The following KATNIP variants were observed in gnomAD, a reference collection of about 807,000 sequenced individuals.
KATNIP encodes katanin-interacting protein.
A neutral mutation model predicts 174.0 loss-of-function variants in KATNIP; 126 were observed. The observed-to-expected ratio is 0.72, with a 90% CI of 0.63 to 0.84. The LOEUF (loss-of-function observed/expected upper bound fraction) is 0.84. KATNIP is among the 40% of genes least tolerant of loss of function. The pLI is 0.00. For synonymous variants in KATNIP, 810 were observed against 835.7 expected, an observed-to-expected ratio of 0.97 and a Z score of 0.53; for missense variants, 1,958 against 2,109.7, an observed-to-expected ratio of 0.93 and a Z score of 1.41.
chr16:27,656,152 G>A (rs192857533), intron 6 of KATNIP, among the ~76,000 whole-genome samples: 1 of 152,128 alleles, frequency 6.6e-6, no homozygotes, highest in Non-Finnish European at 1.5e-5. Context: ...GCAGCCAGGT[G>A]CGGTAGCTGA....
At chr16:27,764,157 A>AT (rs2082050300) in intron 19 of KATNIP, among the ~76,000 whole-genome samples, 1 of 152,220 alleles carries the variant, frequency 6.6e-6, no homozygotes, top group African/African-American at 2.4e-5. Context: ...TAAAGAGAGA[A>AT]TTTCCCTCAA....
chr16:27,689,289 G>A (rs1284684296), intron 8 of KATNIP, among the ~76,000 whole-genome samples: 3 of 152,074 alleles, frequency 2.0e-5, no homozygotes, highest in Non-Finnish European at 4.4e-5. Context: ...GGTGGCATGT[G>A]CCTGTAGTCC....
chr16:27,770,710 C>T (rs1282354315), intron 21 of KATNIP, among the ~76,000 whole-genome samples: 4 of 152,202 alleles, frequency 2.6e-5, no homozygotes, highest in Admixed American at 1.3e-4. Context: ...GGATCCTTCC[C>T]GAGGGCCAGC....
intron 1 of KATNIP, among the ~76,000 whole-genome samples, chr16:27,566,090 TC>T (rs1358684823): frequency 1.4e-5 from 2 of 146,900 alleles, no homozygotes; most frequent in Non-Finnish European, 3.0e-5. Flanking sequence ...CACCTTAACC[TC>T]CCAAAGTGAT....
At chr16:27,706,593 G>T (rs2079315285) in intron 12 of KATNIP, among the ~76,000 whole-genome samples, 1 of 152,216 alleles carries the variant, frequency 6.6e-6, no homozygotes, top group Non-Finnish European at 1.5e-5. Flanking sequence ...GCAGAAGCAG[G>T]AGGAGCCACT....
chr16:27,591,175 G>A (rs896304497), intron 2 of KATNIP, among the ~76,000 whole-genome samples: 1 of 151,748 alleles, frequency 6.6e-6, no homozygotes, highest in East Asian at 1.9e-4. Flanking sequence ...TAGGAATGGA[G>A]TTGCACTTTC....
At chr16:27,762,414 A>G (rs1019377569) in intron 19 of KATNIP, among the ~76,000 whole-genome samples, 1 of 152,180 alleles carries the variant, frequency 6.6e-6, no homozygotes, top group Non-Finnish European at 1.5e-5. Flanking sequence ...TGAAGCCTCA[A>G]ACAGCCCTTT....
intron 5 of KATNIP, among the ~76,000 whole-genome samples, chr16:27,639,852 A>G (rs992699281): frequency 6.6e-6 from 1 of 152,174 alleles, no homozygotes; most frequent in African/African-American, 2.4e-5. Flanking sequence ...GAGCACTGCT[A>G]TTTCTAAGAG....
intron 15 of KATNIP, among the ~76,000 whole-genome samples, chr16:27,749,192 G>A (rs1016230819): frequency 6.6e-6 from 1 of 152,204 alleles, no homozygotes; most frequent in African/African-American, 2.4e-5. Context: ...TGGTTCACAC[G>A]ATGATTGCAT....
rs139232849 is a variant in KATNIP at position 27,696,831 on chromosome 16, C to T, written c.941-1497C>T. ...ACAACCTCTGCCTCCTGGGTTCAAA[C>T]GATTCTCCTGCCTCAGCCTCCCAAG... On this transcript the variant is annotated intron_variant, in intron 8 of 27. Transcript: ENST00000261588. 7.9e-5 allele frequency among the ~76,000 whole-genome samples: 12 copies of T among 151,620 alleles called. No individual in the cohort carries two copies. In the South Asian group the frequency reaches 1.5e-3, roughly 18 times the overall value.
Position 27,740,450 on chromosome 16 carries a change from C to T in KATNIP, c.2153C>T (p.Ser718Phe). The change falls in exon 15 of 28, where the codon TCC becomes TTC. Residue 718 changes from serine to phenylalanine, a missense_variant. Physicochemically the swap from Ser to Phe is radical, Grantham distance 155. Around this residue, in one of 3 missense-constraint regions of KATNIP, gnomAD observed 1,557 missense variants for 1,617.8 expected, o/e 0.96. Transcript: ENST00000261588. ...GACATGCCCAGTGCTCCTGCCACTT[C>T]CCCACCTGTGAAGTGCCCTCCTGTC... ...MGDMPSAPATSPPVKCPPVHE... is the reference protein window; with the variant it reads ...MGDMPSAPATFPPVKCPPVHE... 1 of 1,614,100 alleles carries T rather than the reference C, an allele frequency of 6.2e-7. No homozygotes were observed. The highest frequency in any genetic ancestry group is 8.5e-7 in the Non-Finnish European group (1 of 1,180,044).
At chr16:27,726,633 T>G (rs539068955) in intron 14 of KATNIP, among the ~76,000 whole-genome samples, 1 of 152,292 alleles carries the variant, frequency 6.6e-6, no homozygotes, top group South Asian at 2.1e-4. Context: ...TAATGTGATT[T>G]CAGGTCACAC....
chr16:27,760,653 A>G (rs1382813712), intron 18 of KATNIP, among the ~76,000 whole-genome samples: 3 of 152,184 alleles, frequency 2.0e-5, no homozygotes, highest in African/African-American at 7.2e-5. Context: ...TTCCATCTGT[A>G]CTGAGCTCCT....
In KATNIP at chr16:27,769,924, C is replaced by T. The variant is rs1181515149; in HGVS notation, c.4039C>T (p.Arg1347Trp). The T allele has an allele frequency of 1.2e-5, 19 of 1,614,100 alleles. No homozygotes were observed. The highest frequency in any genetic ancestry group is 4.0e-5 in the African/African-American group (3 of 74,932). Residue 1347 changes from arginine to tryptophan, a missense_variant, in exon 21 of 28, where the codon CGG becomes TGG. This residue lies in a region of KATNIP where 383 missense variants were observed against 456.0 expected (regional missense o/e 0.84). Coordinates refer to ENST00000261588, the MANE Select transcript of KATNIP (RefSeq NM_015202.5). Reference sequence around the variant, plus strand: ...CTCCCCGCCAGAGGGCTTTCTCATCCGGAAGGGGCCAGGCAACTGCCACTT... The same window carrying T: ...CTCCCCGCCAGAGGGCTTTCTCATCTGGAAGGGGCCAGGCAACTGCCACTT... ...CVSPPEGFLI[R>W]KGPGNCHFDF...
chr16:27,605,869 C>A (rs974940431), intron 2 of KATNIP, among the ~76,000 whole-genome samples: 1 of 152,140 alleles, frequency 6.6e-6, no homozygotes, highest in African/African-American at 2.4e-5. Flanking sequence ...GTGGCTCAGG[C>A]CTGTAATCCC....
intron 13 of KATNIP, among the ~76,000 whole-genome samples, chr16:27,709,638 C>CA (rs1216367247): frequency 6.6e-6 from 1 of 151,506 alleles, no homozygotes; most frequent in African/African-American, 2.4e-5. Context: ...GACTCTGTCT[C>CA]AAAAAAAATA....
rs770235009 is a variant in KATNIP at position 27,749,839 on chromosome 16, C to T, written c.2879C>T (p.Thr960Ile). ...GGGCAGGATGGCTACTCTGGAGAGA[C>T]AGACGCTGGGGGTGACTTTAAAATC... ...SRGQDGYSGE[T>I]DAGGDFKIPV... The change falls in exon 16 of 28, where the codon ACA (threonine) becomes ATA (isoleucine). Residue 960 changes from threonine (T) to isoleucine (I), a missense_variant. Transcript: ENST00000261588. 3 of 1,614,000 alleles carry T rather than the reference C, an allele frequency of 1.9e-6. No individual in the cohort carries two copies. Among genetic ancestry groups the T allele is most frequent in the Non-Finnish European group, 8.5e-7 (1 of 1,179,956 alleles).
intron 14 of KATNIP, among the ~76,000 whole-genome samples, chr16:27,738,165 C>T (rs1321835640): frequency 6.6e-6 from 1 of 152,040 alleles, no homozygotes; most frequent in Non-Finnish European, 1.5e-5. Flanking sequence ...ACTGAAAGAG[C>T]CGAGCAAAAA....
At chr16:27,633,355 A>T (rs1195054173) in intron 5 of KATNIP, among the ~76,000 whole-genome samples, 2 of 150,782 alleles carry the variant, frequency 1.3e-5, no homozygotes, top group African/African-American at 4.9e-5. Flanking sequence ...GTTATTTTTT[A>T]AATTACTGTA....
Sources: allele counts gnomAD v4.1 joint callset (sites outside exome capture counted in the v4.1 genomes callset), GRCh38; gene constraint gnomAD v4.1.1; regional missense constraint gnomAD v4.1.1; transcripts MANE v1.5; gene names NCBI Gene and HGNC (gene_info 2026-07-23, HGNC 2026-07-21).